Variants in CHN1 observed in about 807,000 individuals in gnomAD.
CHN1 encodes chimerin 1.
In CHN1, 37 loss-of-function variants were observed where a neutral mutation model predicts 59.5. The observed-to-expected ratio is 0.62, with a 90% confidence interval of 0.48 to 0.82. The LOEUF (loss-of-function observed/expected upper bound fraction) is 0.82, where lower values mean the gene tolerates loss of function less well. Among genes scored for constraint, CHN1 ranks in the 40% least tolerant of loss-of-function variants. CHN1 has a pLI of 0.00. For synonymous variants in CHN1, 206 were observed against 200.4 expected, an observed-to-expected ratio of 1.03 and a Z score of -0.24; for missense variants, 469 against 571.0, an observed-to-expected ratio of 0.82 and a Z score of 1.82.
chr2:174,841,101 A>G (rs1686285298), intron 7 of CHN1, among the ~76,000 whole-genome samples: 1 of 152,216 alleles, frequency 6.6e-6, no homozygotes, highest in Admixed American at 6.5e-5. Flanking sequence ...GTCCCATAAG[A>G]TAGCTACAAA....
chr2:174,824,405 C>A, intron 8 of CHN1, 29 bp downstream of exon 8: 1 of 1,536,378 alleles, frequency 6.5e-7, no homozygotes, highest in Non-Finnish European at 8.9e-7. Context: ...ACAACTGACT[C>A]AATCCAGAGA....
At chr2:174,918,286 T>C (rs6433509) in intron 4 of CHN1, among the ~76,000 whole-genome samples, 115 of 152,260 alleles carry the variant, frequency 7.6e-4, no homozygotes, top group African/African-American at 2.7e-3. Context: ...ACATCTAAGA[T>C]TACTTACTTG....
At chr2:174,819,683 CTTTAAG>C (rs1685413133) in intron 8 of CHN1, among the ~76,000 whole-genome samples, 1 of 151,818 alleles carries the variant, frequency 6.6e-6, no homozygotes, top group Non-Finnish European at 1.5e-5. Flanking sequence ...TATTATTATA[CTTTAAG>C]TTTTAGGGTA....
At chr2:174,934,173 AT>A (rs1206596453) in intron 3 of CHN1, among the ~76,000 whole-genome samples, 1 of 152,248 alleles carries the variant, frequency 6.6e-6, no homozygotes, top group Non-Finnish European at 1.5e-5. Context: ...GTAATATATA[AT>A]GAAATAATTA....
chr2:174,921,405 A>G (rs1689012460), intron 3 of CHN1, among the ~76,000 whole-genome samples: 1 of 151,850 alleles, frequency 6.6e-6, no homozygotes, highest in South Asian at 2.1e-4. Flanking sequence ...ATATTCCTTG[A>G]CTCCATGTAA....
At chr2:174,932,579 T>C (rs1005621720) in intron 3 of CHN1, among the ~76,000 whole-genome samples, 8 of 152,202 alleles carry the variant, frequency 5.3e-5, no homozygotes, top group African/African-American at 1.7e-4. Flanking sequence ...AAGTTAGTGA[T>C]ATGGTTTAGA....
intron 7 of CHN1, among the ~76,000 whole-genome samples, chr2:174,828,544 CTAA>C (rs1685769052): frequency 6.6e-6 from 1 of 152,190 alleles, no homozygotes; most frequent in African/African-American, 2.4e-5. Context: ...TAGCACAATA[CTAA>C]TAGGTGCTGT....
chr2:174,944,700 T>C (rs932855887), intron 3 of CHN1, among the ~76,000 whole-genome samples, 188 bp downstream of exon 3: 3 of 152,282 alleles, frequency 2.0e-5, no homozygotes, highest in African/African-American at 7.2e-5. Context: ...TTCCAAACAG[T>C]CCACTAAAAA....
In CHN1 at chr2:174,800,155, C is replaced by T. The variant is rs781091365; in HGVS notation, c.1341G>A (p.Val447=). The change falls in exon 13 of 13, where the codon GTG becomes GTA. Residue 447 remains valine, a synonymous_variant. Transcript: ENST00000409900. ...CTTCGTTTTTGATAAGCAGCTCCAC[C>T]ACCAGTCTCTGATACCGTATATCAT... The part of the protein sequence containing the change: ...ALNDIRYQRL[V]VELLIKNEDI... The T allele has an allele frequency of 5.8e-6, 9 of 1,564,070 alleles. No individual in the cohort carries two copies. The highest frequency in any genetic ancestry group is 8.6e-7 in the Non-Finnish European group (1 of 1,158,820).
intron 7 of CHN1, among the ~76,000 whole-genome samples, chr2:174,845,098 G>A (rs1297476481): frequency 6.6e-6 from 1 of 152,120 alleles, no homozygotes; most frequent in African/African-American, 2.4e-5. Context: ...AGAAACAACT[G>A]GAAGATACAA....
intron 8 of CHN1, 42 bp downstream of exon 8, chr2:174,824,392 T>C: frequency 1.4e-6 from 2 of 1,479,112 alleles, no homozygotes; most frequent in Non-Finnish European, 1.9e-6. Flanking sequence ...CTCTTATAAC[T>C]TCACAACTGA....
intron 5 of CHN1, among the ~76,000 whole-genome samples, chr2:174,891,217 C>T (rs1331305201): frequency 1.4e-5 from 2 of 138,778 alleles, no homozygotes; most frequent in Non-Finnish European, 3.2e-5. Context: ...AAATAATATA[C>T]TCTTGGAAAA....
chr2:174,880,289 C>CT (rs1384057674), intron 5 of CHN1, among the ~76,000 whole-genome samples: 1 of 152,120 alleles, frequency 6.6e-6, no homozygotes, highest in Non-Finnish European at 1.5e-5. Flanking sequence ...TATGATTGAT[C>CT]TTTTTAAAGA....
rs888042480 is a variant in CHN1, at chr2:175,005,335, C to G, written c.-423G>C. 2 of 1,163,306 alleles carry G rather than the reference C, an allele frequency of 1.7e-6. No individual in the cohort carries two copies. The highest frequency in any genetic ancestry group is 3.8e-4 in the Middle Eastern group (1 of 2,652). 72.1% of individuals were successfully genotyped at this position (1,163,306 alleles called of 1,614,324 possible). ...AGCCCCCGGCGGGGCGCGCTCACTCCGCATCCCGCGGCCTCGCAGACGCCA... is the reference window on the plus strand; with the variant it reads ...AGCCCCCGGCGGGGCGCGCTCACTCGGCATCCCGCGGCCTCGCAGACGCCA... On this transcript the variant is annotated 5_prime_UTR_variant, in exon 1 of 13. Coordinates refer to ENST00000409900, the MANE Select transcript of CHN1 (RefSeq NM_001822.7).
chr2:174,995,488 A>C (rs1478275629), intron 1 of CHN1, among the ~76,000 whole-genome samples: 1 of 152,050 alleles, frequency 6.6e-6, no homozygotes, highest in Non-Finnish European at 1.5e-5. Context: ...ATGCAAAGGG[A>C]ATGTTTTGGG....
chr2:174,951,472 C>G (rs1478689260), intron 2 of CHN1, among the ~76,000 whole-genome samples: 1 of 152,112 alleles, frequency 6.6e-6, no homozygotes, highest in African/African-American at 2.4e-5. Context: ...ACTACAGAAA[C>G]AACGAACAAG....
chr2:174,886,020 A>C (rs1165416901), intron 5 of CHN1, among the ~76,000 whole-genome samples: 2 of 152,198 alleles, frequency 1.3e-5, no homozygotes, highest in Non-Finnish European at 2.9e-5. Context: ...ATTAAAAGCT[A>C]ATTGAAATCT....
intron 5 of CHN1, among the ~76,000 whole-genome samples, chr2:174,904,733 T>C (rs1688490960): frequency 6.6e-6 from 1 of 152,234 alleles, no homozygotes; most frequent in South Asian, 2.1e-4. Context: ...TTATTGCTGT[T>C]TGTTCTTGAG....
chr2:174,916,081 C>G (rs12987247), intron 4 of CHN1, among the ~76,000 whole-genome samples: 6,921 of 152,242 alleles, frequency 0.045, 219 homozygotes, highest in African/African-American at 0.084. Flanking sequence ...GATAGATCAT[C>G]CAAAAGGAAC....
Sources: gnomAD v4.1 joint callset for allele counts (sites outside exome capture counted in the v4.1 genomes callset) on GRCh38, gnomAD v4.1.1 for gene constraint, MANE v1.5 for transcripts, NCBI Gene and HGNC (gene_info 2026-07-23, HGNC 2026-07-21) for gene names.